The following DDB2 variants were observed in gnomAD, a reference collection of about 807,000 sequenced individuals.
DDB2 encodes the protein damage specific DNA binding protein 2, also known as DNA damage-binding protein 2.
Under a neutral mutation model 50.5 loss-of-function variants are expected in DDB2, and 27 were observed. The ratio of observed to expected loss-of-function variants is 0.53; its 90% CI spans 0.39 to 0.74. The LOEUF (loss-of-function observed/expected upper bound fraction) is 0.74, where lower values mean the gene tolerates loss of function less well. Ranked by LOEUF, DDB2 falls within the 30% of genes least tolerant of loss-of-function variation. DDB2 has a pLI of 0.00. For synonymous variants in DDB2, 176 were observed against 205.5 expected, an observed-to-expected ratio of 0.86 and a Z score of 1.23; for missense variants, 424 against 545.6, an observed-to-expected ratio of 0.78 and a Z score of 2.22.
intron 3 of DDB2, among the ~76,000 whole-genome samples, chr11:47,225,597 T>TAA (rs199967513): frequency 7.1e-6 from 1 of 141,418 alleles, no homozygotes. Context: ...ATCTCTATTT[T>TAA]AAAAAAAAAA....
At chr11:47,224,155 A>G (rs1252880297) in intron 3 of DDB2, among the ~76,000 whole-genome samples, 1 of 152,210 alleles carries the variant, frequency 6.6e-6, no homozygotes, top group African/African-American at 2.4e-5. Context: ...CTGTCTATGT[A>G]ATTTTTCTTC....
chr11:47,238,300 G>A, intron 9 of DDB2, 117 bp downstream of exon 9: 1 of 932,490 alleles, frequency 1.1e-6, no homozygotes, highest in South Asian at 1.4e-5. Flanking sequence ...GGCCCACGAA[G>A]AAGATGGCTG....
At chr11:47,227,519 T>G (rs1203739531) in intron 3 of DDB2, among the ~76,000 whole-genome samples, 1 of 151,470 alleles carries the variant, frequency 6.6e-6, no homozygotes, top group Admixed American at 6.6e-5. Flanking sequence ...TTTTTTTTTT[T>G]TTAATTTTGA....
rs780286263 is a variant in DDB2 at position 47,234,852 on chromosome 11, A to G, written c.798A>G (p.Thr266=). Residue 266 remains threonine, a synonymous_variant, in exon 6 of 10, where the codon ACA becomes ACG. Coordinates refer to ENST00000256996, the MANE Select transcript of DDB2 (RefSeq NM_000107.3). ...TGGCCACAGCCTCCGTAGATCAAACAGTGAAAATTTGGGACCTGCGCCAGG... is the reference window on the plus strand; with the variant it reads ...TGGCCACAGCCTCCGTAGATCAAACGGTGAAAATTTGGGACCTGCGCCAGG... ...WFLATASVDQ[T]VKIWDLRQVR... The G allele has an allele frequency of 2.5e-6, 4 of 1,614,204 alleles. No homozygotes were observed. The highest frequency in any genetic ancestry group is 2.5e-6 in the Non-Finnish European group (3 of 1,180,022).
At chr11:47,232,417 C>T (rs1404026697) in intron 3 of DDB2, among the ~76,000 whole-genome samples, 3 of 151,882 alleles carry the variant, frequency 2.0e-5, no homozygotes, top group Admixed American at 6.6e-5. Flanking sequence ...TTTGGGAAGC[C>T]GTGGCAGGGG....
chr11:47,238,274 T>C, intron 9 of DDB2, 91 bp downstream of exon 9: 1 of 1,191,162 alleles, frequency 8.4e-7, no homozygotes, highest in Non-Finnish European at 1.2e-6. Context: ...CCCTGCCACA[T>C]TCACCCCAGG....
At chr11:47,238,289 TGGCCCAC>T in intron 9 of DDB2, 106 bp downstream of exon 9, 1 of 1,023,190 alleles carries the variant, frequency 9.8e-7, no homozygotes, top group Non-Finnish European at 1.5e-6. Flanking sequence ...CCCAGGGCAG[TGGCCCAC>T]GAAGAAGATG....
chr11:47,232,849 T>C lies in DDB2; in HGVS notation c.492T>C (p.Phe164=). The C allele has an allele frequency of 6.2e-7, 1 of 1,614,064 alleles. No homozygotes were observed. Among genetic ancestry groups the C allele is most frequent in the South Asian group, 1.1e-5 (1 of 91,082 alleles). ...GAGGGAGCATCACTGGGCTGAAGTT[T>C]AACCCTCTCAATACCAACCAGTTTT... is the stretch of plus-strand genomic sequence containing the variant. The part of the protein sequence containing the change: ...GAGGSITGLK[F]NPLNTNQFYA... The change falls in exon 4 of 10, where the codon TTT becomes TTC. Residue 164 remains phenylalanine, a synonymous_variant. Transcript: ENST00000256996.
intron 3 of DDB2, among the ~76,000 whole-genome samples, chr11:47,224,895 A>AT (rs952140202): frequency 6.6e-6 from 1 of 151,194 alleles, no homozygotes; most frequent in Non-Finnish European, 1.5e-5. Flanking sequence ...TTTAATTTGG[A>AT]TTTTTTTTCA....
chr11:47,216,258 A>G (rs763472939), intron 1 of DDB2, 78 bp from the exon 2 acceptor site: 1 of 1,605,624 alleles, frequency 6.2e-7, no homozygotes, highest in South Asian at 1.1e-5. Context: ...CGAATGAAAC[A>G]AGGCTTCCTT....
Position 47,215,002 on chromosome 11 carries a change from C to A in DDB2, c.-135C>A. The A allele has an allele frequency of 7.6e-7, 1 of 1,324,156 alleles. No homozygotes were observed. The highest frequency in any genetic ancestry group is 1.1e-6 in the Non-Finnish European group (1 of 926,516). The allele number at this position is 1,324,156 out of a possible 1,614,324, so 82.0% of individuals were successfully genotyped here. On this transcript the variant is annotated 5_prime_UTR_variant, in exon 1 of 10. Coordinates refer to ENST00000256996, the MANE Select transcript of DDB2 (RefSeq NM_000107.3). ...TTGAACAAGCCCTGGGCATGTTTGG[C>A]GGGAAGTTGGCTTAGCTCGGCTACC...
intron 3 of DDB2, chr11:47,229,900 A>C (rs769110911): frequency 8.0e-6 from 3 of 373,362 alleles, no homozygotes; most frequent in Admixed American, 3.8e-5. Context: ...GCAGGATCAT[A>C]GCTAACTACA....
intron 4 of DDB2, chr11:47,233,302 C>T: frequency 7.7e-6 from 3 of 388,492 alleles, no homozygotes; most frequent in South Asian, 2.2e-5. Context: ...ACTGAATGCC[C>T]TGCACTCACT....
At chr11:47,220,923 G>A (rs929650398) in intron 3 of DDB2, among the ~76,000 whole-genome samples, 1 of 152,166 alleles carries the variant, frequency 6.6e-6, no homozygotes, top group Non-Finnish European at 1.5e-5. Flanking sequence ...ACTTTGGGAG[G>A]CCGAGGCGGG....
chr11:47,223,731 G>A (rs1362764813), intron 3 of DDB2, among the ~76,000 whole-genome samples: 2 of 152,150 alleles, frequency 1.3e-5, no homozygotes, highest in South Asian at 2.1e-4. Flanking sequence ...GCAGTGAGCC[G>A]AGATCGGCCA....
Position 47,234,767 on chromosome 11 carries a change from T to C in DDB2, c.713T>C (p.Leu238Pro). The C allele has an allele frequency of 6.2e-7, 1 of 1,614,146 alleles. No individual in the cohort carries two copies. The highest frequency in any genetic ancestry group is 8.5e-7 in the Non-Finnish European group (1 of 1,180,014). The change falls in exon 6 of 10, where the codon CTC becomes CCC. Residue 238 changes from leucine (L) to proline (P), a missense_variant. Leu to Pro is a moderately conservative substitution (Grantham distance 98, BLOSUM62 -3). Transcript: ENST00000256996. ...LNMDGKELWN[L>P]RMHKKKVTHV... ...AGCTCTTCTCTGCAGCTTTGGAATC[T>C]CAGAATGCACAAAAAGAAAGTGACG...
Position 47,215,166 on chromosome 11 carries a change from G to A in DDB2, c.30G>A (p.Gln10=), listed in dbSNP as rs1476616025. MAPKKRPET[Q]KTSEIVLRPR... Reference sequence around the variant, plus strand: ...CTCCCAAGAAACGCCCAGAAACCCAGAAGACCTCCGAGATTGTATTACGCC... The same window carrying A: ...CTCCCAAGAAACGCCCAGAAACCCAAAAGACCTCCGAGATTGTATTACGCC... The change falls in exon 1 of 10, where the codon CAG becomes CAA. Residue 10 remains glutamine, a synonymous_variant. Coordinates refer to ENST00000256996, the MANE Select transcript of DDB2 (RefSeq NM_000107.3). 6 of 1,614,076 alleles carry A rather than the reference G, an allele frequency of 3.7e-6. No individual in the cohort carries two copies. In the South Asian group the frequency reaches 6.6e-5, roughly 18 times the overall value.
chr11:47,217,447 A>G (rs1953417143), intron 3 of DDB2: 1 of 155,078 alleles, frequency 6.4e-6, no homozygotes, highest in Admixed American at 6.4e-5. Context: ...TGAAAGGAAT[A>G]TTGATGTCAT....
At chr11:47,232,211 G>A (rs1953658896) in intron 3 of DDB2, among the ~76,000 whole-genome samples, 1 of 152,200 alleles carries the variant, frequency 6.6e-6, no homozygotes. Flanking sequence ...ATGCGTGGTG[G>A]TGGGCACCTG....
Sources: allele counts gnomAD v4.1 joint callset (sites outside exome capture counted in the v4.1 genomes callset), GRCh38; gene constraint gnomAD v4.1.1; transcripts MANE v1.5; gene names NCBI Gene and HGNC (gene_info 2026-07-23, HGNC 2026-07-21).